FGF12: variants seen among roughly 807,000 people sequenced by gnomAD.
FGF12 encodes the protein fibroblast growth factor 12B.
A neutral mutation model predicts 23.6 loss-of-function variants in FGF12; 14 were observed. The observed-to-expected ratio is 0.59, with a 90% CI of 0.39 to 0.93. FGF12 has a LOEUF of 0.93. Among genes scored for constraint, FGF12 ranks in the 40% least tolerant of loss-of-function variants. The pLI is 0.00. For synonymous variants in FGF12, 62 were observed against 77.3 expected, an observed-to-expected ratio of 0.80 and a Z score of 1.04; for missense variants, 175 against 217.8, an observed-to-expected ratio of 0.80 and a Z score of 1.24.
chr3:192,697,099 T>C (rs1396865974), intron 2 of FGF12, among the ~76,000 whole-genome samples: 1 of 151,778 alleles, frequency 6.6e-6, no homozygotes, highest in Non-Finnish European at 1.5e-5. Context: ...GCCCAAGGGC[T>C]GACTTCTCCT....
intron 2 of FGF12, among the ~76,000 whole-genome samples, chr3:192,543,361 A>G (rs9833651): frequency 0.24 from 37,095 of 151,912 alleles, 4,722 homozygotes; most frequent in Middle Eastern, 0.42. Flanking sequence ...TTCAGTCAGC[A>G]TGTTGGTGAA....
intron 5 of FGF12, among the ~76,000 whole-genome samples, chr3:192,148,711 C>T (rs1713864683): frequency 6.6e-6 from 1 of 152,082 alleles, no homozygotes; most frequent in Non-Finnish European, 1.5e-5. Context: ...AGAGGTGTTC[C>T]ATTTGCATAG....
intron 5 of FGF12, among the ~76,000 whole-genome samples, chr3:192,169,244 A>G (rs7631558): frequency 0.81 from 123,795 of 152,056 alleles, 50,566 homozygotes; most frequent in African/African-American, 0.88. Flanking sequence ...AGGAGGCTGA[A>G]GAAGGAGAAT....
chr3:192,255,982 G>A (rs7628661), intron 4 of FGF12, among the ~76,000 whole-genome samples: 1 of 152,002 alleles, frequency 6.6e-6, no homozygotes, highest in African/African-American at 2.4e-5. Flanking sequence ...ATCATTTCTG[G>A]TGGGGAGGGA....
chr3:192,195,058 G>A (rs960031409), intron 4 of FGF12, among the ~76,000 whole-genome samples: 3 of 152,190 alleles, frequency 2.0e-5, no homozygotes, highest in Non-Finnish European at 2.9e-5. Flanking sequence ...TTGTCTTGGA[G>A]CCAGAACTAG....
At chr3:192,245,118 C>G (rs902772591) in intron 4 of FGF12, 1 of 137,740 alleles carries the variant, frequency 7.3e-6, no homozygotes, top group Non-Finnish European at 1.6e-5. Context: ...CTCTGAGAAG[C>G]AGGAACTCGT....
chr3:192,430,398 G>T (rs1485199286), intron 2 of FGF12, among the ~76,000 whole-genome samples: 3 of 152,180 alleles, frequency 2.0e-5, no homozygotes, highest in African/African-American at 7.2e-5. Context: ...GGTGGGTATA[G>T]TTTCGGTTCT....
intron 2 of FGF12, among the ~76,000 whole-genome samples, chr3:192,692,880 A>C (rs1330439653): frequency 6.6e-6 from 1 of 152,140 alleles, no homozygotes; most frequent in Non-Finnish European, 1.5e-5. Context: ...GAAAACCAGA[A>C]GCTTTTCTCT....
rs75289349 is a variant in FGF12, at chr3:192,534,715, A to G, written c.14-174177T>C. 4.2e-3 allele frequency among the ~76,000 whole-genome samples: 640 copies of G among 152,240 alleles called. 2 individuals carry two copies. The highest frequency in any genetic ancestry group is 6.2e-3 in the Non-Finnish European group (421 of 68,006). ...TAGTCTATTAAAAATGTATCTGTTT[A>G]TTTGATGTTCTTTGCAGTGCTCTTT... On this transcript the variant is annotated intron_variant, in intron 2 of 5. Coordinates refer to ENST00000445105, the MANE Select transcript of FGF12 (RefSeq NM_004113.6).
chr3:192,552,987 T>A (rs966628714), intron 2 of FGF12, among the ~76,000 whole-genome samples: 2 of 152,122 alleles, frequency 1.3e-5, no homozygotes, highest in African/African-American at 2.4e-5. Context: ...GAAAGTTTTT[T>A]AAAGTCAAGC....
chr3:192,681,830 C>A, intron 2 of FGF12, among the ~76,000 whole-genome samples: 1 of 152,062 alleles, frequency 6.6e-6, no homozygotes, highest in Admixed American at 6.5e-5. Context: ...CAGCCAACAC[C>A]TACATGCAGA....
intron 2 of FGF12, among the ~76,000 whole-genome samples, chr3:192,703,862 C>T (rs1371149122): frequency 6.6e-6 from 1 of 152,096 alleles, no homozygotes; most frequent in African/African-American, 2.4e-5. Flanking sequence ...TGACTGTGCC[C>T]AGCTAATTTT....
intron 4 of FGF12, among the ~76,000 whole-genome samples, chr3:192,221,469 G>A (rs372086396): frequency 2.6e-5 from 4 of 152,120 alleles, no homozygotes; most frequent in African/African-American, 4.8e-5. Context: ...CCATGACAGC[G>A]CAGGGATGTG....
At chr3:192,424,910 CAT>C (rs1160019232) in intron 2 of FGF12, among the ~76,000 whole-genome samples, 3 of 152,148 alleles carry the variant, frequency 2.0e-5, no homozygotes, top group African/African-American at 7.2e-5. Flanking sequence ...ATACAATATA[CAT>C]ATGTTTATAA....
rs1412302318 is a variant in FGF12, at chr3:192,408,010, C to T, written c.14-47472G>A. The T allele has an allele frequency of 4.4e-6, 7 of 1,595,148 alleles. No individual in the cohort carries two copies. Among genetic ancestry groups the T allele is most frequent in the Non-Finnish European group, 4.3e-6 (5 of 1,171,326 alleles). ...CGTCCCCTCTGGGGAGCCCACTCTC[C>T]GGGCTTCTACTGACCTGGTCTCCGC... On this transcript the variant is annotated intron_variant, in intron 2 of 5. Transcript: ENST00000445105. The surrounding 1 kb of genome is among the most constrained non-coding windows in gnomAD (Gnocchi z 7.3).
chr3:192,725,637 T>C (rs779489871), intron 2 of FGF12, among the ~76,000 whole-genome samples: 2 of 152,182 alleles, frequency 1.3e-5, no homozygotes, highest in Admixed American at 6.5e-5. Flanking sequence ...GGAATTAGTA[T>C]ACACATTGGA....
chr3:192,279,447 T>C (rs1184711805), intron 4 of FGF12, among the ~76,000 whole-genome samples: 2 of 152,120 alleles, frequency 1.3e-5, no homozygotes, highest in Non-Finnish European at 2.9e-5. Flanking sequence ...TTAATTCTAA[T>C]AACAACCCTA....
At chr3:192,183,189 ATT>A in intron 4 of FGF12, among the ~76,000 whole-genome samples, 1 of 147,822 alleles carries the variant, frequency 6.8e-6, no homozygotes, top group African/African-American at 2.5e-5. Flanking sequence ...AGCATGTAAG[ATT>A]TTTTTTTTTT....
intron 2 of FGF12, among the ~76,000 whole-genome samples, chr3:192,592,580 C>T (rs1031217736): frequency 6.6e-6 from 1 of 151,870 alleles, no homozygotes; most frequent in Admixed American, 6.6e-5. Context: ...GTCCATCTTC[C>T]CAAGCTCCTC....
Sources: gnomAD v4.1 joint callset for allele counts (sites outside exome capture counted in the v4.1 genomes callset) on GRCh38, gnomAD v4.1.1 for gene constraint, Gnocchi (gnomAD v3.1) non-coding constraint, MANE v1.5 for transcripts, NCBI Gene and HGNC (gene_info 2026-07-23, HGNC 2026-07-21) for gene names.